The following USP4 variants were observed in gnomAD, a reference collection of about 807,000 sequenced individuals.
USP4 encodes ubiquitin carboxyl-terminal hydrolase 4.
A neutral mutation model predicts 118.2 loss-of-function variants in USP4; 72 were observed. The observed-to-expected ratio is 0.61, with a 90% confidence interval of 0.50 to 0.74. USP4 has a LOEUF of 0.74. Ranked by LOEUF, USP4 falls within the 30% of genes least tolerant of loss-of-function variation. The pLI, the probability that USP4 is intolerant of heterozygous loss-of-function variation, is 0.00. For missense variants in USP4, 1,037 were observed against 1,185.7 expected, an observed-to-expected ratio of 0.87 and a Z score of 1.84; for synonymous variants, 415 against 440.4, an observed-to-expected ratio of 0.94 and a Z score of 0.72.
At position 49,283,978 on chromosome 3, in the gene USP4, A is replaced by G. The variant is rs375304722; in HGVS notation, c.2540+9T>C. On this transcript the variant is annotated intron_variant, in intron 19 of 21. Coordinates refer to ENST00000265560, the MANE Select transcript of USP4 (RefSeq NM_003363.4). Reference sequence around the variant, plus strand: ...AAATGTTCCTAACACTGTAGTCACCATGACCCACCTGATTGGGAATTCTAC... The same window carrying G: ...AAATGTTCCTAACACTGTAGTCACCGTGACCCACCTGATTGGGAATTCTAC... 3 of 1,614,070 alleles carry G rather than the reference A, an allele frequency of 1.9e-6. No individual in the cohort carries two copies. Among genetic ancestry groups the G allele is most frequent in the Middle Eastern group, 3.3e-4 (2 of 6,084 alleles).
chr3:49,307,089 C>A (rs1198920164), intron 8 of USP4, among the ~76,000 whole-genome samples: 1 of 152,100 alleles, frequency 6.6e-6, no homozygotes, highest in Non-Finnish European at 1.5e-5. Context: ...AATTTCAAAA[C>A]CCAAGGGTTA....
At chr3:49,337,970 C>T (rs1258851047) in intron 1 of USP4, among the ~76,000 whole-genome samples, 5 of 147,512 alleles carry the variant, frequency 3.4e-5, no homozygotes, top group African/African-American at 5.1e-5. Flanking sequence ...CGCTTGAACC[C>T]GGGAGGCAGA....
intron 19 of USP4, among the ~76,000 whole-genome samples, chr3:49,281,216 G>A (rs988005162): frequency 2.0e-5 from 3 of 151,994 alleles, no homozygotes; most frequent in Non-Finnish European, 2.9e-5. Context: ...CAGCACTTTC[G>A]GAGGCCAAGG....
At chr3:49,325,895 G>C (rs1182633515) in intron 3 of USP4, 50 bp from the exon 4 acceptor site, 48 of 1,603,304 alleles carry the variant, frequency 3.0e-5, no homozygotes, top group Non-Finnish European at 4.0e-5. Flanking sequence ...CAGCTGGGCA[G>C]TCTTGGATGT....
At chr3:49,292,254 C>G (rs1481849321) in intron 15 of USP4, among the ~76,000 whole-genome samples, 1 of 150,878 alleles carries the variant, frequency 6.6e-6, no homozygotes, top group Non-Finnish European at 1.5e-5. Flanking sequence ...CCACCACATT[C>G]CAGCCTGGGT....
At chr3:49,294,667 G>C in intron 13 of USP4, 69 bp from the exon 14 acceptor site, 1 of 1,471,442 alleles carries the variant, frequency 6.8e-7, no homozygotes, top group South Asian at 1.2e-5. Context: ...CTGAGCTGAA[G>C]CTATGTGGTG....
chr3:49,284,620 A>G (rs766744143), intron 17 of USP4, 36 bp from the exon 18 acceptor site: 16 of 1,586,930 alleles, frequency 1.0e-5, no homozygotes, highest in Middle Eastern at 1.7e-4. Context: ...TGCTGGAGAA[A>G]GAGATCTTAC....
chr3:49,317,547 T>TTG (rs2047453629), intron 6 of USP4: 1 of 605,148 alleles, frequency 1.7e-6, no homozygotes, highest in Non-Finnish European at 2.9e-6. Context: ...TGTTTGTTTT[T>TTG]TTTTTTTTTT....
chr3:49,287,593 C>G (rs1255133864), intron 15 of USP4, among the ~76,000 whole-genome samples: 3 of 152,120 alleles, frequency 2.0e-5, no homozygotes, highest in African/African-American at 7.2e-5. Context: ...CTGCCTCAGC[C>G]TCCTGAATAG....
chr3:49,314,765 C>G (rs567159981), intron 6 of USP4, among the ~76,000 whole-genome samples: 129 of 152,276 alleles, frequency 8.5e-4, no homozygotes, highest in Non-Finnish European at 1.5e-3. Flanking sequence ...TGGCTCATGC[C>G]TGTAATCTTA....
At position 49,311,387 on chromosome 3, in the gene USP4, A is replaced by G. The variant is rs2047381080; in HGVS notation, c.836+127T>C. On this transcript the variant is annotated intron_variant, in intron 7 of 21. Transcript: ENST00000265560. ...TAGGTATGAAATGGAGTGAGAAACTACATGTAGCATGTTCCCATGAGGAAC... is the reference window on the plus strand; with the variant it reads ...TAGGTATGAAATGGAGTGAGAAACTGCATGTAGCATGTTCCCATGAGGAAC... 1.4e-5 allele frequency: 14 copies of G among 1,016,490 alleles called. No homozygotes were observed. In the East Asian group the frequency reaches 3.6e-4, roughly 26 times the overall value. The allele number at this position is 1,016,490 out of a possible 1,614,324, so 63.0% of individuals were successfully genotyped here.
At chr3:49,324,278 C>CTCAT (rs376075974) in intron 6 of USP4, among the ~76,000 whole-genome samples, 2 of 152,300 alleles carry the variant, frequency 1.3e-5, no homozygotes, top group African/African-American at 4.8e-5. Context: ...AGCTTACAGG[C>CTCAT]ATGAGCCACC....
Position 49,297,929 on chromosome 3 carries a change from G to T in USP4, c.1632C>A (p.His544Gln). 1 of 1,614,090 alleles carries T rather than the reference G, an allele frequency of 6.2e-7. No individual in the cohort carries two copies. The highest frequency in any genetic ancestry group is 1.1e-5 in the South Asian group (1 of 91,090). The change falls in exon 13 of 22, where the codon CAC becomes CAA. Residue 544 changes from histidine (H) to glutamine (Q), a missense_variant. By Grantham distance (24) the His-to-Gln change is conservative. This residue lies in a region of USP4 where 522 missense variants were observed against 592.6 expected (regional missense o/e 0.88). Transcript: ENST00000265560. ...VVADVYNHRFHKIFQMDEGLN... is the reference protein window; with the variant it reads ...VVADVYNHRFQKIFQMDEGLN... ...AACCTTCATCCATTTGGAAAATTTT[G>T]TGGAATCGGTGATTATACACATCTG...
At chr3:49,328,168 G>A (rs570621022) in intron 2 of USP4, among the ~76,000 whole-genome samples, 77 of 152,156 alleles carry the variant, frequency 5.1e-4, no homozygotes, top group African/African-American at 1.7e-3. Flanking sequence ...GAGCAGCCTG[G>A]CCAACATGGT....
chr3:49,337,671 A>G (rs1448938888), intron 1 of USP4, among the ~76,000 whole-genome samples: 2 of 151,984 alleles, frequency 1.3e-5, no homozygotes, highest in Non-Finnish European at 1.5e-5. Flanking sequence ...TCCTGGCCTC[A>G]AGTGATCCTC....
chr3:49,304,936 G>GT (rs1221907299), intron 9 of USP4, among the ~76,000 whole-genome samples: 2 of 151,396 alleles, frequency 1.3e-5, no homozygotes, highest in Non-Finnish European at 2.9e-5. Flanking sequence ...GCTAATTTTT[G>GT]TATTTTTGGT....
Position 49,277,219 on chromosome 3 carries a change from C to T in USP4, c.*1074G>A, listed in dbSNP as rs539982297. 1.5e-6 allele frequency: 2 copies of T among 1,328,154 alleles called. No homozygotes were observed. The highest frequency in any genetic ancestry group is 3.0e-5 in the African/African-American group (2 of 67,576). The allele number at this position is 1,328,154 out of a possible 1,614,324, so 82.3% of individuals were successfully genotyped here. On this transcript the variant is annotated 3_prime_UTR_variant, in exon 22 of 22. Coordinates refer to ENST00000265560, the MANE Select transcript of USP4 (RefSeq NM_003363.4). ...CAGTGACGCCGACCCATCCAACGGT[C>T]ATCGCATGCGCGTGCCCCGCGCAGG...
intron 13 of USP4, among the ~76,000 whole-genome samples, 196 bp downstream of exon 13, chr3:49,297,674 G>A (rs1165228225): frequency 1.3e-5 from 2 of 152,136 alleles, no homozygotes; most frequent in African/African-American, 4.8e-5. Context: ...AGAATGTTTA[G>A]CTCTGCAGGG....
chr3:49,277,822 G>C lies in USP4; in HGVS notation c.*471C>G. Reference sequence around the variant, plus strand: ...TTCAGAAAATTATAAACCCATATCAGTGCACATAGCGAGGGAAAGGGGAGT... The same window carrying C: ...TTCAGAAAATTATAAACCCATATCACTGCACATAGCGAGGGAAAGGGGAGT... On this transcript the variant is annotated 3_prime_UTR_variant, in exon 22 of 22. Transcript: ENST00000265560. The C allele has an allele frequency of 3.9e-6, 1 of 257,898 alleles. No homozygotes were observed. The highest frequency in any genetic ancestry group is 6.9e-5 in the East Asian group (1 of 14,518). The allele number at this position is 257,898 out of a possible 1,614,324, so 16.0% of individuals were successfully genotyped here. A position where few individuals can be genotyped will look rare whatever the true frequency, so the allele number is the denominator to read the frequency against.
Sources: gnomAD v4.1 joint callset for allele counts (sites outside exome capture counted in the v4.1 genomes callset) on GRCh38, gnomAD v4.1.1 for gene constraint, gnomAD v4.1.1 regional missense constraint, MANE v1.5 for transcripts, NCBI Gene and HGNC (gene_info 2026-07-23, HGNC 2026-07-21) for gene names.